Variants in DET1 observed in about 807,000 individuals in gnomAD.
The protein encoded by DET1 is DET1 partner of COP1 E3 ubiquitin ligase.
Under a neutral mutation model 43.7 loss-of-function variants are expected in DET1, and 22 were observed. The ratio of observed to expected loss-of-function variants is 0.50; its 90% confidence interval spans 0.36 to 0.72. DET1 has a LOEUF of 0.72. DET1 is among the 30% of genes least tolerant of loss of function. The pLI is 0.00. For synonymous variants in DET1, 315 were observed against 266.2 expected (o/e 1.18, Z -1.79); for missense variants, 713 against 713.3 (o/e 1.00, Z 0.00).
intron 2 of DET1, among the ~76,000 whole-genome samples, chr15:88,528,196 A>C (rs2056718228): frequency 1.3e-5 from 2 of 152,244 alleles, no homozygotes; most frequent in Non-Finnish European, 2.9e-5. Context: ...CACTTCTTAA[A>C]ATGCCAGATT....
chr15:88,511,662 C>T (rs1402851635), downstream of DET1: 1 of 964,408 alleles, frequency 1.0e-6, no homozygotes, highest in Non-Finnish European at 1.2e-6. Flanking sequence ...TCCTTGGCAT[C>T]CTGACATAGT....
rs1032758042 is a variant in DET1, at chr15:88,504,530, A to T, written c.*2066-543T>A. The stretch of plus-strand genomic sequence containing the variant: ...ATGCCTTTTGTTTTCTGATGACTTG[A>T]CATCTTGGGGCTGTACTGACCCTGG... On this transcript the variant is annotated intron_variant and NMD_transcript_variant, in intron 7 of 8. Transcript: ENST00000557842. The surrounding 1 kb of genome is among the most constrained non-coding windows in gnomAD (Gnocchi z 4.7). 2.0e-5 allele frequency: 3 copies of T among 152,124 alleles called. No individual in the cohort carries two copies. Among genetic ancestry groups the T allele is most frequent in the Non-Finnish European group, 4.4e-5 (3 of 68,030 alleles). The allele number at this position is 152,124 out of a possible 1,614,324, so 9.4% of individuals were successfully genotyped here.
At chr15:88,533,334 G>A (rs1044235153) in intron 1 of DET1, among the ~76,000 whole-genome samples, 11 of 152,162 alleles carry the variant, frequency 7.2e-5, no homozygotes, top group Non-Finnish European at 1.6e-4. Context: ...TGCATTGTTG[G>A]TGGAACTGAA....
chr15:88,541,989 T>C (rs2057120601), intron 1 of DET1, among the ~76,000 whole-genome samples: 1 of 152,186 alleles, frequency 6.6e-6, no homozygotes, highest in South Asian at 2.1e-4. Flanking sequence ...CTCCAGGTGA[T>C]GAGCGCTCAG....
intron 1 of DET1, among the ~76,000 whole-genome samples, chr15:88,537,161 A>C (rs138972343): frequency 1.2e-3 from 185 of 152,352 alleles, no homozygotes; most frequent in African/African-American, 4.3e-3. Flanking sequence ...AGTGAATAGT[A>C]TTACGGACAT....
chr15:88,524,166 C>G (rs942667765), intron 3 of DET1, among the ~76,000 whole-genome samples: 1 of 151,674 alleles, frequency 6.6e-6, no homozygotes, highest in Non-Finnish European at 1.5e-5. Context: ...TGTCCGGCCG[C>G]GACCCCGTCT....
At chr15:88,510,395 C>G (rs1411803578), downstream of DET1, among the ~76,000 whole-genome samples, 1 of 152,186 alleles carries the variant, frequency 6.6e-6, no homozygotes, top group African/African-American at 2.4e-5. Flanking sequence ...ATGCTCTTTC[C>G]ACTCTGCCAG....
At chr15:88,543,061 G>A (rs116557610) in intron 1 of DET1, among the ~76,000 whole-genome samples, 3,773 of 152,274 alleles carry the variant, frequency 0.025, 126 homozygotes, top group African/African-American at 0.086. Context: ...GACAGACACC[G>A]AAGAACAGGC....
At chr15:88,527,338 G>A (rs1490705577) in intron 3 of DET1, among the ~76,000 whole-genome samples, 1 of 152,178 alleles carries the variant, frequency 6.6e-6, no homozygotes, top group Admixed American at 6.5e-5. Context: ...GTGTACCACT[G>A]AAGATATAGC....
intron 3 of DET1, among the ~76,000 whole-genome samples, chr15:88,522,261 C>T (rs1896148079): frequency 6.6e-6 from 1 of 152,174 alleles, no homozygotes; most frequent in Admixed American, 6.5e-5. Flanking sequence ...ATGGTCCTGC[C>T]AATCTAAAAA....
chr15:88,540,534 G>T (rs966173862), intron 1 of DET1, among the ~76,000 whole-genome samples: 1 of 151,470 alleles, frequency 6.6e-6, no homozygotes, highest in East Asian at 1.9e-4. Context: ...AATGTATGCT[G>T]GAAAATTTTT....
At chr15:88,533,908 A>C (rs2056882458) in intron 1 of DET1, among the ~76,000 whole-genome samples, 1 of 151,566 alleles carries the variant, frequency 6.6e-6, no homozygotes. Flanking sequence ...TAAAAAAAGA[A>C]AAAGGAATCA....
chr15:88,545,209 G>A (rs1021242396), intron 1 of DET1, among the ~76,000 whole-genome samples: 1 of 151,986 alleles, frequency 6.6e-6, no homozygotes, highest in Non-Finnish European at 1.5e-5. Flanking sequence ...TAATATTACG[G>A]CATGTCATGG....
intron 1 of DET1, chr15:88,536,166 T>C (rs966333666): frequency 3.3e-6 from 2 of 608,978 alleles, no homozygotes; most frequent in Non-Finnish European, 5.9e-6. Context: ...CTGAAAGATC[T>C]GCCTCTGTTT....
chr15:88,535,939 A>C (rs2056938134), intron 1 of DET1, among the ~76,000 whole-genome samples: 1 of 152,218 alleles, frequency 6.6e-6, no homozygotes, highest in South Asian at 2.1e-4. Flanking sequence ...AAATTCAGGA[A>C]GTTCAGAGAC....
intron 2 of DET1, 44 bp from the exon 3 acceptor site, chr15:88,527,830 T>C (rs764673933): frequency 1.4e-6 from 2 of 1,405,896 alleles, no homozygotes; most frequent in Middle Eastern, 1.9e-4. Context: ...CTGAGTATAA[T>C]GCCATGCGTA....
intron 1 of DET1, among the ~76,000 whole-genome samples, chr15:88,544,537 C>T (rs969940406): frequency 3.3e-5 from 5 of 152,196 alleles, no homozygotes; most frequent in Admixed American, 6.5e-5. Context: ...AATTCCTAAC[C>T]AGACGGGGTC....
intron 1 of DET1, among the ~76,000 whole-genome samples, chr15:88,537,239 G>A (rs983620193): frequency 2.6e-5 from 4 of 152,132 alleles, no homozygotes; most frequent in Non-Finnish European, 4.4e-5. Context: ...TTTGTAAAAC[G>A]TTTATTTCAA....
At chr15:88,514,675 C>T (rs2056292316) in intron 4 of DET1, among the ~76,000 whole-genome samples, 1 of 152,016 alleles carries the variant, frequency 6.6e-6, no homozygotes, top group Non-Finnish European at 1.5e-5. Context: ...TAAAAACAGA[C>T]TACAAAAAAT....
Sources: gnomAD v4.1 joint callset for allele counts (sites outside exome capture counted in the v4.1 genomes callset) on GRCh38, gnomAD v4.1.1 for gene constraint, Gnocchi (gnomAD v3.1) non-coding constraint, MANE v1.5 for transcripts, NCBI Gene and HGNC (gene_info 2026-07-23, HGNC 2026-07-21) for gene names.